RAD51: variants seen among roughly 807,000 people sequenced by gnomAD.
The protein encoded by RAD51 is RAD51 recombinase.
Under a neutral mutation model 41.5 loss-of-function variants are expected in RAD51, and 14 were observed. That is an observed-to-expected ratio of 0.34 (90% CI 0.22 to 0.53). The LOEUF (loss-of-function observed/expected upper bound fraction) is 0.53, where lower values mean the gene tolerates loss of function less well. Among genes scored for constraint, RAD51 ranks in the 20% least tolerant of loss-of-function variants. RAD51 has a pLI of 0.95. For synonymous variants in RAD51, 136 were observed against 148.6 expected, an observed-to-expected ratio of 0.92 and a Z score of 0.62; for missense variants, 234 against 422.0, an observed-to-expected ratio of 0.55 and a Z score of 3.90.
chr15:40,707,323 T>C (rs961999468), intron 4 of RAD51, among the ~76,000 whole-genome samples: 6 of 148,760 alleles, frequency 4.0e-5, no homozygotes, highest in Non-Finnish European at 8.9e-5. Context: ...TCCCTTTTTT[T>C]TGAGACAGAG....
intron 1 of RAD51, 139 bp from the exon 2 acceptor site, chr15:40,698,618 G>A (rs1894798760): frequency 2.6e-6 from 2 of 760,914 alleles, no homozygotes; most frequent in African/African-American, 3.5e-5. Flanking sequence ...TATAAAGCAG[G>A]AGAACAGAGA....
intron 2 of RAD51, among the ~76,000 whole-genome samples, chr15:40,699,394 T>A (rs146090084): frequency 8.5e-5 from 13 of 152,336 alleles, no homozygotes; most frequent in African/African-American, 3.1e-4. Flanking sequence ...CCACCCTCTT[T>A]GGCCTCCCAA....
chr15:40,700,123 GCA>G (rs1246368297), intron 2 of RAD51, among the ~76,000 whole-genome samples: 2 of 152,122 alleles, frequency 1.3e-5, no homozygotes, highest in Non-Finnish European at 2.9e-5. Flanking sequence ...GCTTATGTTG[GCA>G]AACTAATCTC....
rs1247047511 is a variant in RAD51, at chr15:40,730,663, A to G, written c.897-392A>G. Among the ~76,000 whole-genome samples the G allele has an allele frequency of 3.3e-5, 5 of 150,430 alleles. No homozygotes were observed. In the South Asian group the frequency reaches 6.4e-4, roughly 19 times the overall value. On this transcript the variant is annotated intron_variant, in intron 9 of 9. Coordinates refer to ENST00000267868, the MANE Select transcript of RAD51 (RefSeq NM_002875.5). ...CAGCCTCCCGAATAGCTGGGACTAC[A>G]GGCACCCGCCACCACACCTGGCTAA...
intron 6 of RAD51, among the ~76,000 whole-genome samples, chr15:40,722,290 G>A (rs1254596388): frequency 6.6e-6 from 1 of 152,048 alleles, no homozygotes; most frequent in East Asian, 1.9e-4. Flanking sequence ...GCACAGACCT[G>A]TAATCCCAGC....
In RAD51 at chr15:40,731,975, C is replaced by T. The variant is rs570385293; in HGVS notation, c.*797C>T. On this transcript the variant is annotated 3_prime_UTR_variant, in exon 10 of 10. Coordinates refer to ENST00000267868, the MANE Select transcript of RAD51 (RefSeq NM_002875.5). ...ACACGTGCCTGTAGTCCCAGCTACT[C>T]GATAGCCTGAGGTGGGAGAATCACT... 2 of 208,480 alleles carry T rather than the reference C, an allele frequency of 9.6e-6. No homozygotes were observed. Among genetic ancestry groups the T allele is most frequent in the Non-Finnish European group, 1.9e-5 (2 of 102,640 alleles). The allele number at this position is 208,480 out of a possible 1,614,324, so 12.9% of individuals were successfully genotyped here.
rs139768351 is a variant in RAD51, at chr15:40,696,806, G to T, written c.-3+1381G>T. ...CTTTTTGATTTTAACTATTCTGCTGGTTACACAGTAATGTCTTAATGTGAT... is the reference window on the plus strand; with the variant it reads ...CTTTTTGATTTTAACTATTCTGCTGTTTACACAGTAATGTCTTAATGTGAT... On this transcript the variant is annotated intron_variant, in intron 1 of 9. Coordinates refer to ENST00000267868, the MANE Select transcript of RAD51 (RefSeq NM_002875.5). Among the ~76,000 whole-genome samples the T allele has an allele frequency of 2.0e-4, 30 of 152,164 alleles. 1 individual carries two copies. In the East Asian group the frequency reaches 5.6e-3, roughly 28 times the overall value.
intron 6 of RAD51, 66 bp from the exon 7 acceptor site, chr15:40,728,645 A>T (rs1896711717): frequency 7.6e-7 from 1 of 1,313,682 alleles, no homozygotes; most frequent in Admixed American, 1.7e-5. Context: ...TTTAAGTGTC[A>T]GAAACAAATT....
At chr15:40,706,436 C>T (rs1001994139) in intron 4 of RAD51, 142 bp downstream of exon 4, 25 of 760,752 alleles carry the variant, frequency 3.3e-5, no homozygotes, top group Admixed American at 3.0e-4. Context: ...GTGGCTTATG[C>T]CTGTAATCTC....
intron 8 of RAD51, 41 bp from the exon 9 acceptor site, chr15:40,729,812 G>A (rs184978188): frequency 2.5e-6 from 4 of 1,613,992 alleles, no homozygotes; most frequent in East Asian, 2.2e-5. Flanking sequence ...CTTTTGGAGT[G>A]TCTATGGCCA....
At chr15:40,701,286 C>G (rs907710774) in intron 3 of RAD51, 85 bp downstream of exon 3, 3 of 1,466,674 alleles carry the variant, frequency 2.0e-6, no homozygotes, top group African/African-American at 2.8e-5. Context: ...CCTTCTATCT[C>G]TTATTCTTCG....
chr15:40,718,658 A>G, intron 5 of RAD51, 147 bp from the exon 6 acceptor site: 1 of 708,368 alleles, frequency 1.4e-6, no homozygotes, highest in Non-Finnish European at 2.5e-6. Context: ...TATTAATATC[A>G]GAAGGGAATG....
Position 40,706,290 on chromosome 15 carries a change from T to C in RAD51, c.339T>C (p.Leu113=), listed in dbSNP as rs776777470. ...GCTCCAAAGAGCTTGACAAACTACT[T>C]CAAGGTGTAGTAATCCTTTATCCTG... The part of the protein sequence containing the change: ...TTGSKELDKL[L]QGGIETGSIT... Residue 113 remains leucine, a synonymous_variant, in exon 4 of 10, where the codon CTT becomes CTC. Transcript: ENST00000267868. 1.2e-6 allele frequency: 2 copies of C among 1,600,828 alleles called. No homozygotes were observed. Among genetic ancestry groups the C allele is most frequent in the Non-Finnish European group, 1.7e-6 (2 of 1,167,934 alleles).
chr15:40,713,607 AT>A (rs761493133), intron 5 of RAD51, among the ~76,000 whole-genome samples: 2,370 of 127,446 alleles, frequency 0.019, 29 homozygotes, highest in African/African-American at 0.052. Context: ...AAATGTTACA[AT>A]TTTTTTTTTT....
At chr15:40,706,702 A>C (rs1331148772) in intron 4 of RAD51, among the ~76,000 whole-genome samples, 1 of 152,174 alleles carries the variant, frequency 6.6e-6, no homozygotes, top group East Asian at 1.9e-4. Context: ...CTCTGTCTCA[A>C]AAACAAAGAG....
intron 3 of RAD51, among the ~76,000 whole-genome samples, chr15:40,704,687 T>G (rs1895224627): frequency 1.9e-5 from 2 of 103,372 alleles, no homozygotes; most frequent in Non-Finnish European, 3.8e-5. Flanking sequence ...TTTTTTTTTT[T>G]GAGATGGAAT....
chr15:40,710,172 G>T (rs1284877734), intron 5 of RAD51, among the ~76,000 whole-genome samples: 1 of 144,022 alleles, frequency 6.9e-6, no homozygotes, highest in African/African-American at 2.6e-5. Context: ...AACCCGGGAG[G>T]CACAGCTTGC....
At chr15:40,719,574 T>C (rs533169915) in intron 6 of RAD51, among the ~76,000 whole-genome samples, 3 of 152,246 alleles carry the variant, frequency 2.0e-5, no homozygotes, top group Admixed American at 2.0e-4. Context: ...GGCTCACGCC[T>C]GTAATCCCAA....
At chr15:40,706,113 G>A in intron 3 of RAD51, 64 bp from the exon 4 acceptor site, 2 of 1,173,516 alleles carry the variant, frequency 1.7e-6, no homozygotes, top group South Asian at 2.5e-5. Flanking sequence ...ATATTTTTTT[G>A]CCATCAAGAT....
Sources: allele counts gnomAD v4.1 joint callset (sites outside exome capture counted in the v4.1 genomes callset), GRCh38; gene constraint gnomAD v4.1.1; transcripts MANE v1.5; gene names NCBI Gene and HGNC (gene_info 2026-07-23, HGNC 2026-07-21).